Variants in UNC5C observed in about 807,000 individuals in gnomAD.
UNC5C encodes the protein unc-5 netrin receptor C, also known as netrin receptor UNC5C.
Under a neutral mutation model 99.8 loss-of-function variants are expected in UNC5C, and 47 were observed. The observed-to-expected ratio is 0.47, with a 90% CI of 0.37 to 0.60. The LOEUF is 0.60. UNC5C is among the 20% of genes least tolerant of loss of function. The pLI is 0.00. For synonymous variants in UNC5C, 487 were observed against 452.2 expected (o/e 1.08, Z -0.98); for missense variants, 1,062 against 1,165.9 (o/e 0.91, Z 1.30).
chr4:95,310,556 C>T (rs1294736013), intron 2 of UNC5C, among the ~76,000 whole-genome samples: 1 of 151,920 alleles, frequency 6.6e-6, no homozygotes, highest in East Asian at 1.9e-4. Flanking sequence ...TAAATATACA[C>T]AATTCTGTTA....
At chr4:95,262,022 A>G (rs1740257193) in intron 4 of UNC5C, among the ~76,000 whole-genome samples, 1 of 152,306 alleles carries the variant, frequency 6.6e-6, no homozygotes, top group African/African-American at 2.4e-5. Flanking sequence ...CTTATAACTA[A>G]TATCTCTAAG....
chr4:95,519,065 C>T (rs1395627780), intron 1 of UNC5C, among the ~76,000 whole-genome samples: 1 of 152,080 alleles, frequency 6.6e-6, no homozygotes, highest in Non-Finnish European at 1.5e-5. Context: ...ATGGACCATA[C>T]TTTGGGAAAC....
rs1736779087 is a variant in UNC5C, at chr4:95,185,109, G to A, written c.2224C>T (p.Arg742Cys). 5 of 1,613,970 alleles carry A rather than the reference G, an allele frequency of 3.1e-6. No individual in the cohort carries two copies. The highest frequency in any genetic ancestry group is 2.2e-5 in the East Asian group (1 of 44,866). ...LHFKGSTHNL[R>C]LSIHDIAHSL... ...TGGGCGATATCGTGAATTGACAGGC[G>A]CAGGTTGTGGGTGCTGCCTTTAAAA... Residue 742 changes from arginine (R) to cysteine (C), a missense_variant, in exon 13 of 16, where the codon CGC becomes TGC. Around this residue, in one of 3 missense-constraint regions of UNC5C, gnomAD observed 810 missense variants for 854.5 expected, o/e 0.95. Transcript: ENST00000453304.
intron 1 of UNC5C, among the ~76,000 whole-genome samples, chr4:95,459,248 A>G (rs536701441): frequency 4.9e-4 from 75 of 152,300 alleles, no homozygotes; most frequent in Non-Finnish European, 5.6e-4. Flanking sequence ...AGCATAGTCA[A>G]GTACATCTGG....
intron 2 of UNC5C, among the ~76,000 whole-genome samples, chr4:95,333,724 T>TA (rs533432874): frequency 6.6e-6 from 1 of 151,880 alleles, no homozygotes; most frequent in African/African-American, 2.4e-5. Flanking sequence ...AGTATAATAA[T>TA]AAAAAAAGAA....
rs563169112 is a variant in UNC5C, at chr4:95,236,601, A to G, written c.1108+5828T>C. ...GTATAATAATAAAAAATAAATAAAT[A>G]AAAGAAAAAAAAGAATAGAAAGCAT... On this transcript the variant is annotated intron_variant, in intron 7 of 15. Coordinates refer to ENST00000453304, the MANE Select transcript of UNC5C (RefSeq NM_003728.4). Among the ~76,000 whole-genome samples the G allele has an allele frequency of 5.1e-4, 66 of 129,634 alleles. 1 individual carries two copies. Among genetic ancestry groups the G allele is most frequent in the East Asian group, 3.5e-4 (1 of 2,836 alleles). The allele number at this position is 129,634 out of a possible 152,430, so 85.0% of individuals were successfully genotyped here. A position where few individuals can be genotyped will look rare whatever the true frequency, so the allele number is the denominator to read the frequency against.
At chr4:95,326,592 C>T (rs1265015736) in intron 2 of UNC5C, among the ~76,000 whole-genome samples, 3 of 152,126 alleles carry the variant, frequency 2.0e-5, no homozygotes, top group Non-Finnish European at 4.4e-5. Flanking sequence ...TTATAAGCTG[C>T]TTTCCACTTT....
chr4:95,169,956 G>A (rs557346671), intron 15 of UNC5C, among the ~76,000 whole-genome samples, 198 bp downstream of exon 15: 10 of 152,256 alleles, frequency 6.6e-5, no homozygotes, highest in African/African-American at 1.9e-4. Flanking sequence ...TGCCAGATAA[G>A]CTCAGAATGT....
intron 1 of UNC5C, among the ~76,000 whole-genome samples, chr4:95,421,504 G>T (rs141707005): frequency 1.3e-5 from 2 of 149,748 alleles, no homozygotes; most frequent in South Asian, 4.2e-4. Context: ...TTTTTTCAAA[G>T]ATTTGTTTTG....
At chr4:95,341,839 T>G (rs1012024673) in intron 1 of UNC5C, among the ~76,000 whole-genome samples, 4 of 152,080 alleles carry the variant, frequency 2.6e-5, no homozygotes, top group African/African-American at 9.7e-5. Flanking sequence ...AGAGAGAATC[T>G]GTGTCCTTGG....
intron 1 of UNC5C, among the ~76,000 whole-genome samples, chr4:95,444,993 A>T (rs1747055314): frequency 6.6e-6 from 1 of 152,196 alleles, no homozygotes. Context: ...AGGGAACTAA[A>T]CTGACAGCTG....
chr4:95,258,098 G>T (rs1740074398), intron 4 of UNC5C, among the ~76,000 whole-genome samples: 1 of 152,134 alleles, frequency 6.6e-6, no homozygotes, highest in Admixed American at 6.5e-5. Flanking sequence ...TCTTCCATGT[G>T]AAACAATTCC....
intron 3 of UNC5C, among the ~76,000 whole-genome samples, chr4:95,292,362 C>T (rs1483173679): frequency 6.6e-6 from 1 of 151,286 alleles, no homozygotes; most frequent in Non-Finnish European, 1.5e-5. Flanking sequence ...CTCTGCCTCC[C>T]AGGTTCACGC....
intron 4 of UNC5C, among the ~76,000 whole-genome samples, chr4:95,253,029 G>T (rs1280899535): frequency 1.3e-5 from 2 of 152,140 alleles, no homozygotes; most frequent in Non-Finnish European, 2.9e-5. Flanking sequence ...TTATGTATAT[G>T]CCAGTACTCC....
In UNC5C at chr4:95,310,805, T is replaced by TG. The variant is rs145632509; in HGVS notation, c.347-9057dup. Among the ~76,000 whole-genome samples, 640 of 151,926 alleles carry TG rather than the reference T, an allele frequency of 4.2e-3. 5 individuals are homozygous for TG. The highest frequency in any genetic ancestry group is 0.014 in the African/African-American group (563 of 41,468). On this transcript the variant is annotated intron_variant, in intron 2 of 15. Coordinates refer to ENST00000453304, the MANE Select transcript of UNC5C (RefSeq NM_003728.4). Reference sequence around the variant, plus strand: ...TATTCACTGGATTGTGTAACTGGGTTGGGGGGGGATTTCTAGTGCTTCTAG... The same window carrying TG: ...TATTCACTGGATTGTGTAACTGGGTTGGGGGGGGGATTTCTAGTGCTTCTAG...
At chr4:95,341,060 G>A (rs1743553810) in intron 1 of UNC5C, among the ~76,000 whole-genome samples, 1 of 152,042 alleles carries the variant, frequency 6.6e-6, no homozygotes, top group Non-Finnish European at 1.5e-5. Flanking sequence ...GTGTAAATGG[G>A]TATCACAGAA....
rs779468452 is a variant in UNC5C, at chr4:95,185,192, A to C, written c.2141T>G (p.Ile714Ser). ...LDDTQDALKE[I>S]LHLERQMGGQ... ...TCCCATCTGTCTCTCAAGATGTAAA[A>C]TTTCCTATAATGACATGCCCCAAAC... Residue 714 changes from isoleucine to serine, a missense_variant, in exon 13 of 16, where the codon ATT (isoleucine) becomes AGT (serine). Coordinates refer to ENST00000453304, the MANE Select transcript of UNC5C (RefSeq NM_003728.4). 2 of 1,605,562 alleles carry C rather than the reference A, an allele frequency of 1.2e-6. No homozygotes were observed. Among genetic ancestry groups the C allele is most frequent in the African/African-American group, 1.3e-5 (1 of 74,380 alleles).
chr4:95,289,750 G>A (rs1428885485), intron 3 of UNC5C, among the ~76,000 whole-genome samples: 1 of 152,032 alleles, frequency 6.6e-6, no homozygotes, highest in Non-Finnish European at 1.5e-5. Flanking sequence ...ACCAAATCTG[G>A]CTGTTAACAG....
At chr4:95,499,980 T>A (rs561852510) in intron 1 of UNC5C, among the ~76,000 whole-genome samples, 1,911 of 139,660 alleles carry the variant, frequency 0.014, 45 homozygotes, top group African/African-American at 0.048. Context: ...ATGAGGATAA[T>A]CCCTCCATCC....
Sources: allele counts gnomAD v4.1 joint callset (sites outside exome capture counted in the v4.1 genomes callset), GRCh38; gene constraint gnomAD v4.1.1; regional missense constraint gnomAD v4.1.1; transcripts MANE v1.5; gene names NCBI Gene and HGNC (gene_info 2026-07-23, HGNC 2026-07-21).